The following TTC4 variants were observed in gnomAD, a reference collection of about 807,000 sequenced individuals.
The protein encoded by TTC4 is hsp70/Hsp90 co-chaperone CNS1 homolog.
TTC4 carries 36 observed loss-of-function variants against 51.9 expected under a neutral mutation model. The ratio of observed to expected loss-of-function variants is 0.69; its 90% CI spans 0.53 to 0.92. TTC4 has a LOEUF of 0.92. Ranked by LOEUF, TTC4 falls within the 40% of genes least tolerant of loss-of-function variation. TTC4 has a pLI of 0.00. For missense variants in TTC4, 399 were observed against 454.6 expected, an observed-to-expected ratio of 0.88 and a Z score of 1.11; for synonymous variants, 144 against 164.2, an observed-to-expected ratio of 0.88 and a Z score of 0.94.
chr1:54,735,621 T>C (rs1398974723), intron 8 of TTC4, among the ~76,000 whole-genome samples: 1 of 152,226 alleles, frequency 6.6e-6, no homozygotes, highest in East Asian at 1.9e-4. Context: ...TTACTCATGA[T>C]GTTCACTCTG....
chr1:54,741,262 G>C (rs1646006897), intron 9 of TTC4, 149 bp from the exon 10 acceptor site: 1 of 767,800 alleles, frequency 1.3e-6, no homozygotes, highest in African/African-American at 1.7e-5. Context: ...TAATTTGCCA[G>C]ATTTATGAAC....
chr1:54,742,645 G>A lies in TTC4; in HGVS notation c.*1132G>A, dbSNP rs1383078512. 1.3e-5 allele frequency: 2 copies of A among 152,238 alleles called. No homozygotes were observed. Among genetic ancestry groups the A allele is most frequent in the Non-Finnish European group, 2.9e-5 (2 of 68,058 alleles). 9.4% of individuals were successfully genotyped at this position (152,238 alleles called of 1,614,324 possible). A position where few individuals can be genotyped will look rare whatever the true frequency, so the allele number is the denominator to read the frequency against. ...ATACATGAGTAAACTGAAGCCAGCT[G>A]CTGTCCTTAAAAGTGGACTAATTTG... On this transcript the variant is annotated 3_prime_UTR_variant, in exon 10 of 10. Transcript: ENST00000371281.
chr1:54,740,699 C>T (rs1181287872), intron 9 of TTC4, among the ~76,000 whole-genome samples: 1 of 152,050 alleles, frequency 6.6e-6, no homozygotes. Context: ...CGAAATAGGC[C>T]CTCTGTCCCA....
Position 54,741,519 on chromosome 1 carries a change from C to T in TTC4, c.*6C>T. On this transcript the variant is annotated 3_prime_UTR_variant, in exon 10 of 10. Transcript: ENST00000371281. ...AGGTGTACCAGATACGATGACTAAG[C>T]CAGGGCCCCTGGATCTCCTCCCTTA... 1.2e-6 allele frequency: 2 copies of T among 1,611,846 alleles called. No individual in the cohort carries two copies. Among genetic ancestry groups the T allele is most frequent in the South Asian group, 1.1e-5 (1 of 91,026 alleles).
intron 8 of TTC4, among the ~76,000 whole-genome samples, chr1:54,736,301 T>A (rs199527635): frequency 0.029 from 1 of 34 alleles, no homozygotes; most frequent in Non-Finnish European, 0.036. Context: ...TCTCCAACTC[T>A]TAATTCAACA....
Position 54,735,438 on chromosome 1 carries a change from C to G in TTC4, c.978+1728C>G, listed in dbSNP as rs144244003. 5.2e-3 allele frequency among the ~76,000 whole-genome samples: 796 copies of G among 152,228 alleles called. 10 individuals are homozygous for G. Among genetic ancestry groups the G allele is most frequent in the African/African-American group, 0.018 (767 of 41,516 alleles). On this transcript the variant is annotated intron_variant, in intron 8 of 9. Coordinates refer to ENST00000371281, the MANE Select transcript of TTC4 (RefSeq NM_004623.5). ...GTTTTGCCGTGTTGGCCAGGCTGGT[C>G]TCAAACTCCTGACCTCAAATGATCT...
chr1:54,719,772 A>G lies in TTC4; in HGVS notation c.392-1391A>G, dbSNP rs925109514. ...GGTTTTTATAAATAATGCAAAAATA[A>G]ATAAAGTCATAATATTTTTCTGATA... On this transcript the variant is annotated intron_variant, in intron 3 of 9. Transcript: ENST00000371281. Among the ~76,000 whole-genome samples the G allele has an allele frequency of 5.9e-5, 9 of 152,356 alleles. No homozygotes were observed. The East Asian group carries it at 9.6e-4, about 16-fold the overall frequency.
chr1:54,734,470 C>T (rs556870842), intron 8 of TTC4, among the ~76,000 whole-genome samples: 2 of 152,252 alleles, frequency 1.3e-5, no homozygotes, highest in East Asian at 3.9e-4. Flanking sequence ...ATCGTTGCAA[C>T]CTTGCCTCTT....
chr1:54,736,241 A>T (rs879516031), intron 8 of TTC4, among the ~76,000 whole-genome samples: 1,306 of 121,064 alleles, frequency 0.011, 92 homozygotes, highest in African/African-American at 0.035. Context: ...AGGAGAGAGA[A>T]GAGAGGAGAG....
chr1:54,739,392 C>T (rs907027673), intron 9 of TTC4, among the ~76,000 whole-genome samples: 5 of 152,180 alleles, frequency 3.3e-5, no homozygotes, highest in African/African-American at 9.7e-5. Flanking sequence ...TCCAAGCACA[C>T]GCTGCCTCTC....
intron 7 of TTC4, 91 bp from the exon 8 acceptor site, chr1:54,733,538 T>G: frequency 1.0e-6 from 1 of 984,938 alleles, no homozygotes; most frequent in South Asian, 1.8e-5. Context: ...TTTTATACAT[T>G]CTAGATAACT....
intron 8 of TTC4, among the ~76,000 whole-genome samples, chr1:54,734,994 A>G (rs1181660896): frequency 3.3e-5 from 5 of 152,234 alleles, no homozygotes; most frequent in East Asian, 3.9e-4. Flanking sequence ...TCAGAATCAC[A>G]TACTGTATTT....
chr1:54,718,549 T>C (rs576221399), intron 3 of TTC4, among the ~76,000 whole-genome samples: 1 of 151,974 alleles, frequency 6.6e-6, no homozygotes. Flanking sequence ...ACCCAGGAGA[T>C]TGAGGAAGTT....
chr1:54,733,681 G>A lies in TTC4; in HGVS notation c.949G>A (p.Glu317Lys), dbSNP rs1645897255. The A allele has an allele frequency of 1.1e-5, 18 of 1,600,014 alleles. No individual in the cohort carries two copies. Among genetic ancestry groups the A allele is most frequent in the Middle Eastern group, 1.7e-4 (1 of 5,836 alleles). The part of the protein sequence containing the change: ...MFGETPSWDL[E>K]QKYCPDNLEV... ...TGGTGAAACACCCTCTTGGGACCTA[G>A]AGCAAAAATATTGCCCTGATAATTT... The change falls in exon 8 of 10, where the codon GAG becomes AAG. Residue 317 changes from glutamate (E) to lysine (K), a missense_variant. By Grantham distance (56) the Glu-to-Lys change is moderately conservative. This residue lies in a region of TTC4 where 19 missense variants were observed against 43.7 expected (regional missense o/e 0.43). Coordinates refer to ENST00000371281, the MANE Select transcript of TTC4 (RefSeq NM_004623.5).
intron 5 of TTC4, 107 bp downstream of exon 5, chr1:54,722,906 A>C: frequency 6.9e-7 from 1 of 1,438,968 alleles, no homozygotes; most frequent in Non-Finnish European, 9.4e-7. Context: ...CAAAACCCAA[A>C]ACTAGTCCCT....
intron 9 of TTC4, 76 bp from the exon 10 acceptor site, chr1:54,741,335 A>G: frequency 1.7e-6 from 2 of 1,209,144 alleles, no homozygotes; most frequent in South Asian, 2.4e-5. Flanking sequence ...CTCACCTTGC[A>G]TGTTGTTAGG....
At chr1:54,731,111 G>A (rs1040878178) in intron 6 of TTC4, among the ~76,000 whole-genome samples, 1 of 152,156 alleles carries the variant, frequency 6.6e-6, no homozygotes, top group Non-Finnish European at 1.5e-5. Flanking sequence ...CAAGATAGAT[G>A]CCCAATGAAG....
intron 5 of TTC4, among the ~76,000 whole-genome samples, chr1:54,725,783 T>C (rs1320460298): frequency 6.6e-6 from 1 of 152,186 alleles, no homozygotes; most frequent in Non-Finnish European, 1.5e-5. Flanking sequence ...GAGAAGTTAC[T>C]AAAAAGAACT....
intron 5 of TTC4, among the ~76,000 whole-genome samples, chr1:54,726,666 TGAAA>T: frequency 6.6e-6 from 1 of 152,312 alleles, no homozygotes; most frequent in East Asian, 1.9e-4. Flanking sequence ...AAAACATTGT[TGAAA>T]GAAATTAAAG....
Sources: allele counts gnomAD v4.1 joint callset (sites outside exome capture counted in the v4.1 genomes callset), GRCh38; gene constraint gnomAD v4.1.1; regional missense constraint gnomAD v4.1.1; transcripts MANE v1.5; gene names NCBI Gene and HGNC (gene_info 2026-07-23, HGNC 2026-07-21).